TMEM132C: variants seen among roughly 807,000 people sequenced by gnomAD.
The protein encoded by TMEM132C is protein phosphatase 1, regulatory subunit 152.
TMEM132C carries 29 observed loss-of-function variants against 61.4 expected under a neutral mutation model. The observed-to-expected ratio is 0.47, with a 90% CI of 0.35 to 0.64. TMEM132C has a LOEUF of 0.64. TMEM132C is among the 30% of genes least tolerant of loss of function. The probability of loss-of-function intolerance (pLI) is 0.00; values close to 1 mark genes in which losing one functional copy is unlikely to be tolerated. For synonymous variants in TMEM132C, 656 were observed against 633.1 expected, an observed-to-expected ratio of 1.04 and a Z score of -0.54; for missense variants, 1,408 against 1,476.9, an observed-to-expected ratio of 0.95 and a Z score of 0.76.
chr12:128,575,156 T>A (rs1875041870), intron 3 of TMEM132C, among the ~76,000 whole-genome samples: 1 of 152,354 alleles, frequency 6.6e-6, no homozygotes, highest in Middle Eastern at 3.4e-3. Flanking sequence ...GATAATTTTT[T>A]TAAACACAGC....
At chr12:128,625,128 A>G (rs966008987) in intron 4 of TMEM132C, among the ~76,000 whole-genome samples, 2 of 152,260 alleles carry the variant, frequency 1.3e-5, no homozygotes, top group African/African-American at 4.8e-5. Context: ...CTGAACTTGA[A>G]TGGGAAAGTT....
rs186737646 is a variant in TMEM132C at position 128,400,649 on chromosome 12, C to T, written c.86-14083C>T. On this transcript the variant is annotated intron_variant, in intron 1 of 8. Coordinates refer to ENST00000435159, the MANE Select transcript of TMEM132C (RefSeq NM_001136103.3). ...GTGGGGATGGAGTCTCGCTCTGTTG[C>T]CCAGGCTGGAGTGCACTGGCACAAT... Among the ~76,000 whole-genome samples the T allele has an allele frequency of 5.5e-3, 827 of 150,870 alleles. 20 individuals are homozygous for T. Among genetic ancestry groups the T allele is most frequent in the Admixed American group, 0.051 (772 of 15,140 alleles).
intron 5 of TMEM132C, among the ~76,000 whole-genome samples, chr12:128,679,230 C>G (rs1954615494): frequency 6.6e-6 from 1 of 152,352 alleles, no homozygotes; most frequent in Non-Finnish European, 1.5e-5. Flanking sequence ...AGAGAGTTCT[C>G]CACACTGTAT....
chr12:128,321,013 G>A (rs1444285163), intron 1 of TMEM132C, among the ~76,000 whole-genome samples: 1 of 151,566 alleles, frequency 6.6e-6, no homozygotes, highest in Non-Finnish European at 1.5e-5. Context: ...TTAAGCAAAA[G>A]CAGACCTGTC....
chr12:128,574,209 C>T (rs1423421916), intron 3 of TMEM132C, among the ~76,000 whole-genome samples: 1 of 152,212 alleles, frequency 6.6e-6, no homozygotes, highest in Non-Finnish European at 1.5e-5. Context: ...TTCTTCCTCA[C>T]TCACTTTTAT....
chr12:128,521,765 G>A (rs769891037), intron 2 of TMEM132C, among the ~76,000 whole-genome samples: 13 of 152,048 alleles, frequency 8.5e-5, no homozygotes, highest in African/African-American at 1.9e-4. Context: ...GCTCAAGAGC[G>A]GAATCTGGTA....
At position 128,696,026 on chromosome 12, in the gene TMEM132C, C is replaced by T. The variant is rs751138424; in HGVS notation, c.1852C>T (p.Leu618=). 92 of 1,551,664 alleles carry T rather than the reference C, an allele frequency of 5.9e-5. 1 individual carries two copies. Among genetic ancestry groups the T allele is most frequent in the Middle Eastern group, 1.7e-4 (1 of 6,014 alleles). The change falls in exon 7 of 9, where the codon CTG becomes TTG. Residue 618 remains leucine (L), a synonymous_variant. Coordinates refer to ENST00000435159, the MANE Select transcript of TMEM132C (RefSeq NM_001136103.3). ...ITHLVADFMK[L]EEPHVATLQD... The stretch of plus-strand genomic sequence containing the variant: ...TCACCTGGTGGCAGACTTCATGAAG[C>T]TGGAGGAACCTCACGTGGCCACCCT...
chr12:128,551,377 A>G (rs1565971893), intron 3 of TMEM132C, among the ~76,000 whole-genome samples: 1 of 152,110 alleles, frequency 6.6e-6, no homozygotes, highest in African/African-American at 2.4e-5. Context: ...CCATCTGTCT[A>G]TAAACACTCA....
At chr12:128,513,314 C>G (rs571921497) in intron 2 of TMEM132C, among the ~76,000 whole-genome samples, 2 of 152,232 alleles carry the variant, frequency 1.3e-5, no homozygotes, top group East Asian at 3.9e-4. Flanking sequence ...TCCTCCAGCC[C>G]CCAAGTATAG....
At chr12:128,448,521 A>G (rs1870067765) in intron 2 of TMEM132C, among the ~76,000 whole-genome samples, 1 of 152,162 alleles carries the variant, frequency 6.6e-6, no homozygotes, top group African/African-American at 2.4e-5. Flanking sequence ...TTTGCATGGA[A>G]GTCCCAGGGC....
intron 1 of TMEM132C, among the ~76,000 whole-genome samples, chr12:128,274,792 A>C (rs570440399): frequency 6.6e-6 from 1 of 152,358 alleles, no homozygotes; most frequent in East Asian, 1.9e-4. Context: ...GCCTTATCCC[A>C]AACCAATGGA....
chr12:128,665,047 A>G (rs929321257), intron 4 of TMEM132C, among the ~76,000 whole-genome samples: 1 of 150,800 alleles, frequency 6.6e-6, no homozygotes, highest in African/African-American at 2.4e-5. Context: ...ACTCATACAT[A>G]TACACACATA....
chr12:128,445,156 C>G lies in TMEM132C; in HGVS notation c.974+29536C>G, dbSNP rs540534709. Among the ~76,000 whole-genome samples the G allele has an allele frequency of 3.3e-5, 5 of 151,200 alleles. No homozygotes were observed. The South Asian group carries it at 6.3e-4, about 19-fold the overall frequency. On this transcript the variant is annotated intron_variant, in intron 2 of 8. Transcript: ENST00000435159. ...ACAGGCCTGTTGCTATGGAAATTGT[C>G]GACTTTTTTTCTTTTGCATAGAAAA... is the stretch of plus-strand genomic sequence containing the variant.
intron 2 of TMEM132C, among the ~76,000 whole-genome samples, chr12:128,511,408 G>A (rs948732366): frequency 3.3e-5 from 5 of 152,192 alleles, no homozygotes; most frequent in Non-Finnish European, 5.9e-5. Flanking sequence ...ACCATCGTTA[G>A]GTTTGACAGT....
chr12:128,615,656 G>A (rs1876775012), intron 3 of TMEM132C, among the ~76,000 whole-genome samples: 1 of 152,106 alleles, frequency 6.6e-6, no homozygotes, highest in Non-Finnish European at 1.5e-5. Flanking sequence ...GAGCTATGGG[G>A]AGTAGCTATA....
rs1390619157 is a variant in TMEM132C, at chr12:128,458,294, T to A, written c.974+42674T>A. ...TAATTATAATATTTAGTATTGTAAT[T>A]ATATAATTATACTAAAATTATATAT... On this transcript the variant is annotated intron_variant, in intron 2 of 8. Transcript: ENST00000435159. Among the ~76,000 whole-genome samples, 5 of 1,992 alleles carry A rather than the reference T, an allele frequency of 2.5e-3. No homozygotes were observed. The East Asian group carries it at 0.42, about 166-fold the overall frequency. 1.3% of individuals were successfully genotyped at this position (1,992 alleles called of 152,430 possible). A position where few individuals can be genotyped will look rare whatever the true frequency, so the allele number is the denominator to read the frequency against.
rs1396876273 is a variant in TMEM132C, at chr12:128,706,010, T to C, written c.3042T>C (p.Asn1014=). Residue 1014 remains asparagine, a synonymous_variant, in exon 9 of 9, where the codon AAT becomes AAC. Coordinates refer to ENST00000435159, the MANE Select transcript of TMEM132C (RefSeq NM_001136103.3). ...AGGAGAGCAACCATCTCCTGCTCAATGGTGGCTCCCACAAGCACGTGCAGA... is the reference window on the plus strand; with the variant it reads ...AGGAGAGCAACCATCTCCTGCTCAACGGTGGCTCCCACAAGCACGTGCAGA... ...ACEESNHLLL[N]GGSHKHVQSQ... The C allele has an allele frequency of 1.7e-5, 27 of 1,551,576 alleles. No individual in the cohort carries two copies. Among genetic ancestry groups the C allele is most frequent in the Non-Finnish European group, 2.3e-5 (26 of 1,147,004 alleles).
intron 3 of TMEM132C, among the ~76,000 whole-genome samples, chr12:128,580,487 G>A (rs918738280): frequency 1.3e-5 from 2 of 152,170 alleles, no homozygotes; most frequent in African/African-American, 4.8e-5. Context: ...AGCCTGGCAG[G>A]TATTAATAAA....
intron 1 of TMEM132C, among the ~76,000 whole-genome samples, chr12:128,271,306 AAAATG>A (rs1221071217): frequency 6.7e-6 from 1 of 148,824 alleles, no homozygotes; most frequent in Admixed American, 6.7e-5. Context: ...TAATAATAAT[AAAATG>A]AAATGAAGAG....
Sources: allele counts gnomAD v4.1 joint callset (sites outside exome capture counted in the v4.1 genomes callset), GRCh38; gene constraint gnomAD v4.1.1; transcripts MANE v1.5; gene names NCBI Gene and HGNC (gene_info 2026-07-23, HGNC 2026-07-21).